Variants in DNAH6 observed in about 807,000 individuals in gnomAD.
DNAH6 encodes dynein axonemal heavy chain 6.
DNAH6 carries 340 observed loss-of-function variants against 491.4 expected under a neutral mutation model. That is an observed-to-expected ratio of 0.69 (90% CI 0.63 to 0.76). The LOEUF (loss-of-function observed/expected upper bound fraction) is 0.76, where lower values mean the gene tolerates loss of function less well. Ranked by LOEUF, DNAH6 falls within the 30% of genes least tolerant of loss-of-function variation. The pLI, the probability that DNAH6 is intolerant of heterozygous loss-of-function variation, is 0.00. For missense variants in DNAH6, 4,443 were observed against 4,972.2 expected (o/e 0.89, Z 3.20); for synonymous variants, 1,603 against 1,686.1 (o/e 0.95, Z 1.21).
chr2:84,569,690 G>C (rs1681582132), intron 11 of DNAH6, among the ~76,000 whole-genome samples: 2 of 152,126 alleles, frequency 1.3e-5, no homozygotes, highest in East Asian at 3.8e-4. Context: ...CTAGTTAGTA[G>C]GTTTGTTTTT....
rs868114046 is a variant in DNAH6 at position 84,640,109 on chromosome 2, T to C, written c.4822-321T>C. Among the ~76,000 whole-genome samples the C allele has an allele frequency of 5.3e-5, 8 of 152,310 alleles. No homozygotes were observed. In the South Asian group the frequency reaches 1.2e-3, roughly 24 times the overall value. On this transcript the variant is annotated intron_variant, in intron 31 of 76. Transcript: ENST00000389394. ...TTCTTGCTTTTGTACTCGGGCCTAA[T>C]GACACCATCCAACTTTCACGATGGG...
At chr2:84,629,649 G>T (rs1418349100) in intron 29 of DNAH6, among the ~76,000 whole-genome samples, 1 of 152,078 alleles carries the variant, frequency 6.6e-6, no homozygotes, top group Non-Finnish European at 1.5e-5. Context: ...TCTCAGTTAG[G>T]TATTATCTCT....
intron 48 of DNAH6, among the ~76,000 whole-genome samples, chr2:84,700,153 G>C (rs1695762028): frequency 6.6e-6 from 1 of 152,202 alleles, no homozygotes; most frequent in Non-Finnish European, 1.5e-5. Flanking sequence ...CGGCATGCAT[G>C]TGTGCTGATG....
At chr2:84,621,045 C>A in intron 24 of DNAH6, 146 bp from the exon 25 acceptor site, 1 of 756,652 alleles carries the variant, frequency 1.3e-6, no homozygotes, top group Non-Finnish European at 2.1e-6. Context: ...GAGATAGATG[C>A]ATAGTGGAAT....
chr2:84,726,307 C>T (rs1354993210), intron 60 of DNAH6, among the ~76,000 whole-genome samples: 1 of 152,140 alleles, frequency 6.6e-6, no homozygotes, highest in Non-Finnish European at 1.5e-5. Flanking sequence ...CACCTTTGCC[C>T]CTCAGGCTGT....
intron 22 of DNAH6, among the ~76,000 whole-genome samples, chr2:84,614,651 G>C (rs992664081): frequency 2.0e-5 from 3 of 151,934 alleles, no homozygotes; most frequent in Admixed American, 2.0e-4. Context: ...ATTCCCACCA[G>C]CAGTGGAAAA....
chr2:84,655,872 A>T (rs767777572), intron 35 of DNAH6, among the ~76,000 whole-genome samples: 1 of 152,130 alleles, frequency 6.6e-6, no homozygotes, highest in Admixed American at 6.6e-5. Context: ...GTTTTGAAAA[A>T]TGCATAATGT....
At chr2:84,569,722 G>A (rs73945120) in intron 11 of DNAH6, among the ~76,000 whole-genome samples, 1,750 of 152,166 alleles carry the variant, frequency 0.012, 32 homozygotes, top group African/African-American at 0.04. Context: ...TAGTGTATTC[G>A]CAATGTTGAA....
At chr2:84,459,676 G>A in the DNAH6 span, 1 of 187,408 alleles carries the variant, frequency 5.3e-6, no homozygotes, top group South Asian at 8.4e-5. Flanking sequence ...GCGAGGTGAG[G>A]TGCGAAGAGC....
At chr2:84,710,067 G>A (rs964861674) in intron 55 of DNAH6, among the ~76,000 whole-genome samples, 18 of 152,180 alleles carry the variant, frequency 1.2e-4, no homozygotes, top group African/African-American at 4.3e-4. Flanking sequence ...GTTCCCAGAT[G>A]ACTCTTTCTT....
At chr2:84,715,748 ATC>A in intron 58 of DNAH6, 121 bp downstream of exon 58, 4 of 920,470 alleles carry the variant, frequency 4.3e-6, no homozygotes, top group South Asian at 1.7e-5. Flanking sequence ...TGAACCCTTA[ATC>A]AAAAAAAAAT....
At chr2:84,485,963 G>C in the DNAH6 span, among the ~76,000 whole-genome samples, 7 of 151,932 alleles carry the variant, frequency 4.6e-5, no homozygotes, top group African/African-American at 1.7e-4. Flanking sequence ...TGAAACAAAA[G>C]TTTTAAATGA....
chr2:84,472,903 A>C, the DNAH6 span, among the ~76,000 whole-genome samples: 1 of 152,210 alleles, frequency 6.6e-6, no homozygotes, highest in Non-Finnish European at 1.5e-5. Flanking sequence ...AGGCACATTT[A>C]ATATTTTGTG....
At chr2:84,681,773 C>T (rs1573467976) in intron 42 of DNAH6, among the ~76,000 whole-genome samples, 1 of 152,052 alleles carries the variant, frequency 6.6e-6, no homozygotes, top group Middle Eastern at 3.4e-3. Flanking sequence ...GCAGTTGGAC[C>T]AGAGCTGCCT....
intron 11 of DNAH6, among the ~76,000 whole-genome samples, chr2:84,566,555 T>A (rs2126012): frequency 0.82 from 124,293 of 151,976 alleles, 53,403 homozygotes; most frequent in East Asian, 0.99. Flanking sequence ...CCAATAAAAA[T>A]TTCTTAAATG....
At chr2:84,723,863 C>G (rs1487135905) in intron 60 of DNAH6, among the ~76,000 whole-genome samples, 1 of 152,182 alleles carries the variant, frequency 6.6e-6, no homozygotes, top group Non-Finnish European at 1.5e-5. Flanking sequence ...TTCTCAAAAG[C>G]AAATTCAATG....
intron 4 of DNAH6, among the ~76,000 whole-genome samples, chr2:84,533,719 A>G (rs193104910): frequency 1.3e-5 from 2 of 152,298 alleles, no homozygotes; most frequent in African/African-American, 4.8e-5. Context: ...GAATTTGTTT[A>G]CTTCCATTTT....
rs150174204 is a variant in DNAH6 at position 84,777,498 on chromosome 2, G to T, written c.10704-3995G>T. 3.0e-4 allele frequency: 212 copies of T among 715,236 alleles called. No homozygotes were observed. The African/African-American group carries it at 3.5e-3, about 12-fold the overall frequency. 44.3% of individuals were successfully genotyped at this position (715,236 alleles called of 1,614,324 possible). On this transcript the variant is annotated intron_variant, in intron 64 of 76. Transcript: ENST00000389394. ...CTTTCTGCCAAATCTGCCACAGAGG[G>T]TCCAATGTCCCAGCCTTTGAGTTTG...
chr2:84,682,937 G>T (rs886624114), intron 42 of DNAH6, among the ~76,000 whole-genome samples: 4 of 152,072 alleles, frequency 2.6e-5, no homozygotes, highest in African/African-American at 9.7e-5. Context: ...GTGTGATCTG[G>T]ATCCGGGCTC....
Sources: allele counts gnomAD v4.1 joint callset (sites outside exome capture counted in the v4.1 genomes callset), GRCh38; gene constraint gnomAD v4.1.1; transcripts MANE v1.5; gene names NCBI Gene and HGNC (gene_info 2026-07-23, HGNC 2026-07-21).